Variants in FSD1L observed in about 807,000 individuals in gnomAD.
FSD1L encodes the protein fibronectin type III and SPRY domain containing 1 like.
FSD1L carries 45 observed loss-of-function variants against 71.6 expected under a neutral mutation model. That is an observed-to-expected ratio of 0.63 (90% CI 0.49 to 0.81). The LOEUF (loss-of-function observed/expected upper bound fraction) is 0.81. FSD1L is among the 30% of genes least tolerant of loss of function. FSD1L has a pLI of 0.00. For missense variants in FSD1L, 561 were observed against 618.1 expected, an observed-to-expected ratio of 0.91 and a Z score of 0.98; for synonymous variants, 197 against 207.2, an observed-to-expected ratio of 0.95 and a Z score of 0.42.
intron 3 of FSD1L, 28 bp downstream of exon 3, chr9:105,464,359 G>A: frequency 1.7e-6 from 2 of 1,159,960 alleles, no homozygotes; most frequent in Non-Finnish European, 2.4e-6. Flanking sequence ...AAAATTTTGT[G>A]TAAATATGTC....
intron 12 of FSD1L, among the ~76,000 whole-genome samples, chr9:105,536,518 C>T (rs1010847268): frequency 4.6e-5 from 7 of 152,160 alleles, no homozygotes; most frequent in African/African-American, 1.7e-4. Context: ...TATGACTTAG[C>T]ACTGCTGATC....
chr9:105,459,460 T>C (rs2131594481), intron 1 of FSD1L, among the ~76,000 whole-genome samples: 1 of 152,360 alleles, frequency 6.6e-6, no homozygotes, highest in East Asian at 1.9e-4. Flanking sequence ...ATGCTAAATA[T>C]GAGCCTTGGA....
rs538458934 is a variant in FSD1L, at chr9:105,493,344, A to G, written c.586+8842A>G. Among the ~76,000 whole-genome samples the G allele has an allele frequency of 3.4e-4, 51 of 151,838 alleles. 2 individuals carry two copies. In the East Asian group the frequency reaches 8.7e-3, roughly 26 times the overall value. On this transcript the variant is annotated intron_variant, in intron 7 of 13. Transcript: ENST00000481272. Reference sequence around the variant, plus strand: ...CAACCCCTGCCTTTTTTAGTTTTCCATTTGCTTGGTACATCTTCCTCCATC... The same window carrying G: ...CAACCCCTGCCTTTTTTAGTTTTCCGTTTGCTTGGTACATCTTCCTCCATC...
chr9:105,458,000 G>A (rs1441164280), intron 1 of FSD1L, among the ~76,000 whole-genome samples: 2 of 152,258 alleles, frequency 1.3e-5, no homozygotes, highest in Non-Finnish European at 1.5e-5. Context: ...GAGCCCCAAG[G>A]GGTCGGGGGC....
At chr9:105,501,241 T>C (rs1041440468) in intron 7 of FSD1L, among the ~76,000 whole-genome samples, 2 of 152,178 alleles carry the variant, frequency 1.3e-5, no homozygotes, top group Non-Finnish European at 2.9e-5. Context: ...TTTTTTTTGC[T>C]ATCATAGGAT....
chr9:105,466,910 G>A (rs1291956940), intron 3 of FSD1L, among the ~76,000 whole-genome samples: 6 of 151,702 alleles, frequency 4.0e-5, no homozygotes, highest in Non-Finnish European at 7.4e-5. Context: ...CTACCTTAAC[G>A]TTAGAAAAAA....
In FSD1L at chr9:105,462,679, C is replaced by T. The variant is rs183642135; in HGVS notation, c.111+1064C>T. The stretch of plus-strand genomic sequence containing the variant: ...CTGGGATTACAGGTGCATGCTACCA[C>T]GCCTGGCTAATTTTTGTATTTTTAG... On this transcript the variant is annotated intron_variant, in intron 2 of 13. Coordinates refer to ENST00000481272, the MANE Select transcript of FSD1L (RefSeq NM_001145313.3). 6.4e-3 allele frequency among the ~76,000 whole-genome samples: 968 copies of T among 150,788 alleles called. 5 individuals are homozygous for T. Among genetic ancestry groups the T allele is most frequent in the Non-Finnish European group, 7.7e-3 (521 of 67,664 alleles).
chr9:105,546,383 G>A lies in FSD1L; in HGVS notation c.1493G>A (p.Ser498Asn). 1 of 1,549,706 alleles carries A rather than the reference G, an allele frequency of 6.5e-7. No individual in the cohort carries two copies. The highest frequency in any genetic ancestry group is 2.4e-5 in the East Asian group (1 of 40,862). The change falls in exon 14 of 14, where the codon AGT becomes AAT. Residue 498 changes from serine (S) to asparagine (N), a missense_variant. Physicochemically the swap from Ser to Asn is conservative, Grantham distance 46 (BLOSUM62 1). Around this residue, in one of 3 missense-constraint regions of FSD1L, gnomAD observed 98 missense variants for 102.3 expected, o/e 0.96. Coordinates refer to ENST00000481272, the MANE Select transcript of FSD1L (RefSeq NM_001145313.3). The part of the protein sequence containing the change: ...FMVWCGGLSL[S>N]TGMQVPSAVR... The stretch of plus-strand genomic sequence containing the variant: ...GTATGGTGTGGTGGACTTTCTTTGA[G>A]TACTGGGATGCAGGTTCCAAGTGCT...
At chr9:105,496,691 G>T (rs897398967) in intron 7 of FSD1L, among the ~76,000 whole-genome samples, 7 of 152,170 alleles carry the variant, frequency 4.6e-5, no homozygotes, top group Non-Finnish European at 1.0e-4. Flanking sequence ...AATTTCACTT[G>T]TTCATTTCTG....
intron 1 of FSD1L, among the ~76,000 whole-genome samples, chr9:105,449,461 A>G (rs1320688110): frequency 6.6e-6 from 1 of 152,228 alleles, no homozygotes; most frequent in Non-Finnish European, 1.5e-5. Flanking sequence ...AAGAAATGAT[A>G]TTTGAATGGA....
chr9:105,479,814 G>T (rs1051069428), intron 6 of FSD1L, among the ~76,000 whole-genome samples: 8 of 152,108 alleles, frequency 5.3e-5, no homozygotes, highest in Admixed American at 4.6e-4. Context: ...CTGCCCTCCT[G>T]TTTAACACCT....
intron 10 of FSD1L, among the ~76,000 whole-genome samples, chr9:105,530,032 A>T (rs2131465907): frequency 6.6e-6 from 1 of 152,362 alleles, no homozygotes; most frequent in South Asian, 2.1e-4. Context: ...AGTGCTCTCT[A>T]GGAGTTAGAA....
rs527405051 is a variant in FSD1L at position 105,545,557 on chromosome 9, G to T, written c.1468-801G>T. 1.3e-4 allele frequency among the ~76,000 whole-genome samples: 19 copies of T among 151,330 alleles called. No homozygotes were observed. The South Asian group carries it at 3.1e-3, about 25-fold the overall frequency. ...CCCATTCAGTATGATATTGGCTGTGGGTTTGTCATAAATAGCTCTTATTAT... is the reference window on the plus strand; with the variant it reads ...CCCATTCAGTATGATATTGGCTGTGTGTTTGTCATAAATAGCTCTTATTAT... On this transcript the variant is annotated intron_variant, in intron 13 of 13. Coordinates refer to ENST00000481272, the MANE Select transcript of FSD1L (RefSeq NM_001145313.3).
At chr9:105,512,347 G>T (rs1834443647) in intron 9 of FSD1L, among the ~76,000 whole-genome samples, 3 of 152,106 alleles carry the variant, frequency 2.0e-5, no homozygotes, top group South Asian at 2.1e-4. Context: ...GACAGTGTAG[G>T]TATGAAATTA....
At chr9:105,471,821 C>A in intron 4 of FSD1L, 83 bp from the exon 5 acceptor site, 8 of 500,954 alleles carry the variant, frequency 1.6e-5, no homozygotes, top group Non-Finnish European at 2.4e-5. Flanking sequence ...TTTGTAAGTT[C>A]ATTATAACAA....
intron 11 of FSD1L, 42 bp from the exon 12 acceptor site, chr9:105,535,025 A>C: frequency 6.5e-7 from 1 of 1,544,638 alleles, no homozygotes; most frequent in African/African-American, 1.4e-5. Flanking sequence ...TGTGACTCAT[A>C]AGGAAGAGAT....
intron 7 of FSD1L, among the ~76,000 whole-genome samples, chr9:105,503,720 T>G (rs976290000): frequency 6.6e-6 from 1 of 152,194 alleles, no homozygotes. Flanking sequence ...TCTTTCATCT[T>G]CCCCTGAATT....
intron 7 of FSD1L, among the ~76,000 whole-genome samples, chr9:105,485,845 A>G (rs1159002868): frequency 2.6e-5 from 4 of 151,940 alleles, no homozygotes; most frequent in East Asian, 1.9e-4. Flanking sequence ...GGGTTTCACC[A>G]TGTTAGCCTG....
At chr9:105,500,356 G>C (rs958955963) in intron 7 of FSD1L, among the ~76,000 whole-genome samples, 1 of 152,102 alleles carries the variant, frequency 6.6e-6, no homozygotes, top group African/African-American at 2.4e-5. Context: ...CGTGAACTTT[G>C]CAAGGGACTT....
Sources: gnomAD v4.1 joint callset for allele counts (sites outside exome capture counted in the v4.1 genomes callset) on GRCh38, gnomAD v4.1.1 for gene constraint, gnomAD v4.1.1 regional missense constraint, MANE v1.5 for transcripts, NCBI Gene and HGNC (gene_info 2026-07-23, HGNC 2026-07-21) for gene names.